UPRT: variants seen among roughly 807,000 people sequenced by gnomAD.
UPRT encodes the protein uracil phosphoribosyltransferase homolog.
A neutral mutation model predicts 22.6 loss-of-function variants in UPRT; 5 were observed. That is an observed-to-expected ratio of 0.22 (90% CI 0.12 to 0.47). The LOEUF is 0.47. Among genes scored for constraint, UPRT ranks in the 20% least tolerant of loss-of-function variants. UPRT has a pLI of 0.99. For missense variants in UPRT, 181 were observed against 239.9 expected (o/e 0.75, Z 1.62); for synonymous variants, 77 against 87.7 (o/e 0.88, Z 0.68).
At chrX:75,275,578 CCT>C (rs2082628110) in intron 1 of UPRT, among the ~76,000 whole-genome samples, 1 of 111,185 alleles carries the variant, frequency 9.0e-6, no homozygotes, top group African/African-American at 3.3e-5. Flanking sequence ...TGCAGTTTTT[CCT>C]CTCTTCCACA....
intron 4 of UPRT, among the ~76,000 whole-genome samples, chrX:75,239,493 G>T (rs1009380001): frequency 9.0e-6 from 1 of 111,383 alleles, no homozygotes; most frequent in Non-Finnish European, 1.9e-5. Flanking sequence ...AGGAGCAGAT[G>T]CATTCACAGC....
chrX:75,246,351 A>G (rs1321017139), intron 4 of UPRT, among the ~76,000 whole-genome samples: 1 of 102,041 alleles, frequency 9.8e-6, no homozygotes, highest in East Asian at 3.2e-4. Flanking sequence ...GAGAACATGC[A>G]GTGTTTGGTT....
chrX:75,263,308 C>T (rs1483308112), intron 4 of UPRT, among the ~76,000 whole-genome samples: 1 of 111,711 alleles, frequency 9.0e-6, no homozygotes, highest in Non-Finnish European at 1.9e-5. Context: ...CAGCTCCTCC[C>T]TGTACCTCTG....
intron 4 of UPRT, among the ~76,000 whole-genome samples, chrX:75,209,666 C>G (rs994747429): frequency 2.7e-5 from 3 of 112,532 alleles, no homozygotes; most frequent in Non-Finnish European, 3.8e-5. Flanking sequence ...AGCTACTGTT[C>G]CTGGCCCAGT....
At chrX:75,170,119 C>T (rs1049875391) in intron 4 of UPRT, among the ~76,000 whole-genome samples, 1 of 105,258 alleles carries the variant, frequency 9.5e-6, no homozygotes, top group African/African-American at 3.5e-5. Context: ...TCAGCAAAAC[C>T]TCCGCCTCCC....
At chrX:75,207,372 G>C (rs1035813161) in intron 4 of UPRT, among the ~76,000 whole-genome samples, 1 of 111,757 alleles carries the variant, frequency 8.9e-6, no homozygotes, top group Non-Finnish European at 1.9e-5. Context: ...TTTATTTTCA[G>C]CAATGATAGT....
At chrX:75,256,445 C>T (rs776350017) in intron 4 of UPRT, among the ~76,000 whole-genome samples, 9 of 111,151 alleles carry the variant, frequency 8.1e-5, no homozygotes, top group African/African-American at 2.6e-4. Context: ...TAAGATCACA[C>T]CTCAAGGAAC....
At chrX:75,254,232 A>T (rs772542365) in intron 4 of UPRT, among the ~76,000 whole-genome samples, 1 of 111,881 alleles carries the variant, frequency 8.9e-6, no homozygotes, top group South Asian at 3.8e-4. Context: ...TTATTAACCT[A>T]ATCAGGAATG....
At chrX:75,249,919 C>A (rs920336849) in intron 4 of UPRT, among the ~76,000 whole-genome samples, 27 of 111,674 alleles carry the variant, frequency 2.4e-4, no homozygotes, top group Non-Finnish European at 4.5e-4. Flanking sequence ...CTCAAAACTG[C>A]TCAACTACAT....
At chrX:75,191,421 G>T in intron 4 of UPRT, among the ~76,000 whole-genome samples, 1 of 111,675 alleles carries the variant, frequency 9.0e-6, no homozygotes. Context: ...CTACTCGGGG[G>T]TGAGGGACCC....
intron 4 of UPRT, among the ~76,000 whole-genome samples, chrX:75,206,089 C>T (rs1389201346): frequency 1.8e-5 from 2 of 111,398 alleles, no homozygotes; most frequent in Non-Finnish European, 3.8e-5. Context: ...ATGTTTACAG[C>T]CTTTGCCAGC....
At chrX:75,226,031 T>C (rs1602461162) in intron 4 of UPRT, among the ~76,000 whole-genome samples, 2 of 111,657 alleles carry the variant, frequency 1.8e-5, no homozygotes, top group Non-Finnish European at 3.8e-5. Flanking sequence ...GTGTTCTCTA[T>C]CTCAGTAAAT....
At chrX:75,207,845 A>T (rs1435208312) in intron 4 of UPRT, among the ~76,000 whole-genome samples, 1 of 111,847 alleles carries the variant, frequency 8.9e-6, no homozygotes, top group Non-Finnish European at 1.9e-5. Flanking sequence ...TGTTTGGCAG[A>T]GTAGTCCAAG....
chrX:75,299,714 C>T (rs764914390), intron 4 of UPRT, 21 bp from the exon 5 acceptor site: 4 of 1,182,501 alleles, frequency 3.4e-6, no homozygotes, highest in Admixed American at 2.4e-5. Context: ...AATCTTTTTT[C>T]TTTCTTTTTT....
At chrX:75,187,545 A>T (rs1481655945) in intron 4 of UPRT, among the ~76,000 whole-genome samples, 1 of 110,893 alleles carries the variant, frequency 9.0e-6, no homozygotes, top group Non-Finnish European at 1.9e-5. Flanking sequence ...CATTCTCTGT[A>T]TTTCCTGAAT....
intron 4 of UPRT, among the ~76,000 whole-genome samples, chrX:75,169,162 C>A (rs1296108740): frequency 8.9e-6 from 1 of 111,903 alleles, no homozygotes; most frequent in East Asian, 2.8e-4. Flanking sequence ...ACTACAGTTT[C>A]TTTATTCACT....
At chrX:75,187,095 TTGATGCA>T (rs1325788048) in intron 4 of UPRT, among the ~76,000 whole-genome samples, 3 of 111,756 alleles carry the variant, frequency 2.7e-5, no homozygotes, top group Admixed American at 9.5e-5. Context: ...TGCTCGTTAG[TTGATGCA>T]TTTTCTTCCT....
chrX:75,254,604 T>C (rs1485964117), intron 4 of UPRT, among the ~76,000 whole-genome samples: 1 of 111,501 alleles, frequency 9.0e-6, no homozygotes, highest in East Asian at 2.8e-4. Context: ...GAAAACATAT[T>C]TGGGGGAATA....
intron 4 of UPRT, among the ~76,000 whole-genome samples, chrX:75,263,703 G>T (rs2082576906): frequency 1.8e-5 from 2 of 108,663 alleles, no homozygotes; most frequent in African/African-American, 3.3e-5. Flanking sequence ...AGGGTTTTTT[G>T]TGTCTCTATT....
Sources: allele counts gnomAD v4.1 joint callset (sites outside exome capture counted in the v4.1 genomes callset), GRCh38; gene constraint gnomAD v4.1.1; transcripts MANE v1.5; gene names NCBI Gene and HGNC (gene_info 2026-07-23, HGNC 2026-07-21).